Variants in SMOC2 observed in about 807,000 individuals in gnomAD.
SMOC2 encodes SPARC related modular calcium binding 2.
Under a neutral mutation model 61.4 loss-of-function variants are expected in SMOC2, and 39 were observed. The ratio of observed to expected loss-of-function variants is 0.64; its 90% CI spans 0.49 to 0.83. The LOEUF is 0.83. SMOC2 is among the 40% of genes least tolerant of loss of function. SMOC2 has a pLI of 0.00. For missense variants in SMOC2, 556 were observed against 592.9 expected, an observed-to-expected ratio of 0.94 and a Z score of 0.65; for synonymous variants, 247 against 239.9, an observed-to-expected ratio of 1.03 and a Z score of -0.27.
At chr6:168,543,103 A>G (rs1266222431) in intron 4 of SMOC2, among the ~76,000 whole-genome samples, 1 of 152,222 alleles carries the variant, frequency 6.6e-6, no homozygotes, top group Non-Finnish European at 1.5e-5. Flanking sequence ...TGTAATATGC[A>G]TCTTTCAGCA....
rs1387020925 is a variant in SMOC2, at chr6:168,667,512, A to T, written c.*1074A>T. ...ACGAGAACTTGCCAATGGGAAATTC[A>T]TCCGAGTGGCACTGGCAGAGAAGGA... On this transcript the variant is annotated 3_prime_UTR_variant, in exon 13 of 13. Coordinates refer to ENST00000356284, the MANE Select transcript of SMOC2 (RefSeq NM_001166412.2). 2.0e-5 allele frequency: 3 copies of T among 152,226 alleles called. No individual in the cohort carries two copies. The highest frequency in any genetic ancestry group is 3.8e-4 in the East Asian group (2 of 5,196). 9.4% of individuals were successfully genotyped at this position (152,226 alleles called of 1,614,324 possible). A position where few individuals can be genotyped will look rare whatever the true frequency, so the allele number is the denominator to read the frequency against.
At chr6:168,591,347 T>A (rs1373235166) in intron 7 of SMOC2, among the ~76,000 whole-genome samples, 1 of 152,170 alleles carries the variant, frequency 6.6e-6, no homozygotes, top group Non-Finnish European at 1.5e-5. Flanking sequence ...AACCACCAAA[T>A]AGAACTACCT....
At chr6:168,458,569 A>T (rs1171332072) in intron 1 of SMOC2, among the ~76,000 whole-genome samples, 2 of 152,148 alleles carry the variant, frequency 1.3e-5, no homozygotes, top group African/African-American at 4.8e-5. Context: ...TGTCCTTGAC[A>T]ACACCCTTTG....
intron 2 of SMOC2, among the ~76,000 whole-genome samples, chr6:168,519,183 G>A (rs558903691): frequency 8.0e-5 from 12 of 150,428 alleles, no homozygotes; most frequent in East Asian, 4.0e-4. Flanking sequence ...GTGAGTATGC[G>A]TGCATGTGTA....
chr6:168,607,616 T>C (rs1583155353), intron 8 of SMOC2, among the ~76,000 whole-genome samples: 1 of 149,966 alleles, frequency 6.7e-6, no homozygotes, highest in Non-Finnish European at 1.5e-5. Context: ...AGGCAGACTT[T>C]CGTAGCTTCA....
intron 1 of SMOC2, among the ~76,000 whole-genome samples, chr6:168,454,933 G>T (rs1377812902): frequency 6.6e-6 from 1 of 152,258 alleles, no homozygotes; most frequent in African/African-American, 2.4e-5. Flanking sequence ...CCGGATAATA[G>T]TGTGGGGCCG....
chr6:168,575,077 C>T lies in SMOC2; in HGVS notation c.638-23741C>T, dbSNP rs145250547. On this transcript the variant is annotated intron_variant, in intron 7 of 12. Coordinates refer to ENST00000356284, the MANE Select transcript of SMOC2 (RefSeq NM_001166412.2). The stretch of plus-strand genomic sequence containing the variant: ...TTAGCAGCACCCTTGGTCTGGGAGG[C>T]GGGAGGAAGTGTGTCTGTGGGGAAA... Among the ~76,000 whole-genome samples, 599 of 152,196 alleles carry T rather than the reference C, an allele frequency of 3.9e-3. 14 individuals carry two copies. The highest frequency in any genetic ancestry group is 0.035 in the Admixed American group (542 of 15,294).
intron 9 of SMOC2, among the ~76,000 whole-genome samples, chr6:168,638,661 T>G (rs1786809411): frequency 1.3e-5 from 2 of 152,090 alleles, no homozygotes; most frequent in African/African-American, 4.8e-5. Context: ...GGAGTCTTGC[T>G]CCCAGCCCTT....
intron 7 of SMOC2, among the ~76,000 whole-genome samples, chr6:168,581,494 A>C (rs1784917236): frequency 1.3e-5 from 2 of 152,122 alleles, no homozygotes; most frequent in African/African-American, 2.4e-5. Context: ...CGGGTCTGAC[A>C]CTGACGTTTG....
intron 4 of SMOC2, 142 bp from the exon 5 acceptor site, chr6:168,543,483 A>G: frequency 1.4e-6 from 1 of 690,552 alleles, no homozygotes; most frequent in South Asian, 1.8e-5. Flanking sequence ...AGGGTACTAG[A>G]CAGCTTACAG....
chr6:168,519,733 A>G (rs1030958512), intron 2 of SMOC2, among the ~76,000 whole-genome samples: 11 of 152,172 alleles, frequency 7.2e-5, no homozygotes, highest in African/African-American at 2.2e-4. Context: ...CCTTCCTGCA[A>G]AGGATTTAGT....
intron 4 of SMOC2, among the ~76,000 whole-genome samples, chr6:168,536,654 C>G (rs1353180198): frequency 4.6e-5 from 7 of 152,158 alleles, no homozygotes; most frequent in Non-Finnish European, 7.4e-5. Flanking sequence ...AAGCCTCCCC[C>G]GGACTCAGTG....
At chr6:168,504,570 G>C (rs1191110265) in intron 1 of SMOC2, among the ~76,000 whole-genome samples, 1 of 151,980 alleles carries the variant, frequency 6.6e-6, no homozygotes, top group African/African-American at 2.4e-5. Flanking sequence ...GCAATGAGGA[G>C]CAGCTGTAAA....
chr6:168,539,098 C>T (rs1458483618), intron 4 of SMOC2, among the ~76,000 whole-genome samples: 5 of 152,144 alleles, frequency 3.3e-5, no homozygotes, highest in African/African-American at 2.4e-5. Context: ...GGGACCTGGA[C>T]GGCCACATGA....
chr6:168,605,714 C>T (rs1418590786), intron 8 of SMOC2, among the ~76,000 whole-genome samples: 1 of 152,196 alleles, frequency 6.6e-6, no homozygotes, highest in East Asian at 1.9e-4. Flanking sequence ...AAGAAATGAT[C>T]TAGTCTCGTG....
chr6:168,653,628 AAAT>A (rs2115277450), intron 11 of SMOC2, among the ~76,000 whole-genome samples: 1 of 135,780 alleles, frequency 7.4e-6, no homozygotes, highest in Non-Finnish European at 1.6e-5. Context: ...AGCTCCAACC[AAAT>A]GTTAGGAACT....
intron 1 of SMOC2, among the ~76,000 whole-genome samples, chr6:168,450,638 CCCAGGA>C (rs2114992826): frequency 6.6e-6 from 1 of 152,214 alleles, no homozygotes; most frequent in African/African-American, 2.4e-5. Context: ...ATGCTGCTTC[CCCAGGA>C]TGTAAAAGAA....
intron 1 of SMOC2, among the ~76,000 whole-genome samples, chr6:168,501,102 T>C (rs988498580): frequency 6.6e-6 from 1 of 152,202 alleles, no homozygotes; most frequent in African/African-American, 2.4e-5. Flanking sequence ...GGATAATCTT[T>C]CGTTGTCATT....
At chr6:168,648,539 C>T (rs560108587) in intron 9 of SMOC2, among the ~76,000 whole-genome samples, 2 of 152,350 alleles carry the variant, frequency 1.3e-5, no homozygotes, top group African/African-American at 4.8e-5. Context: ...TTGGAAGCAC[C>T]GCGGCCAGCA....
Sources: allele counts gnomAD v4.1 joint callset (sites outside exome capture counted in the v4.1 genomes callset), GRCh38; gene constraint gnomAD v4.1.1; transcripts MANE v1.5; gene names NCBI Gene and HGNC (gene_info 2026-07-23, HGNC 2026-07-21).